ARID4B: variants seen among roughly 807,000 people sequenced by gnomAD.
ARID4B encodes the protein AT-rich interactive domain-containing protein 4B.
A neutral mutation model predicts 147.5 loss-of-function variants in ARID4B; 26 were observed. The ratio of observed to expected loss-of-function variants is 0.18; its 90% CI spans 0.13 to 0.24. The LOEUF (loss-of-function observed/expected upper bound fraction) is 0.24. Ranked by LOEUF, ARID4B falls within the 10% of genes least tolerant of loss-of-function variation. The pLI is 1.00. For synonymous variants in ARID4B, 512 were observed against 507.9 expected (o/e 1.01, Z -0.11); for missense variants, 1,179 against 1,511.5 (o/e 0.78, Z 3.65).
At chr1:235,243,204 A>T (rs1433239348) in intron 7 of ARID4B, among the ~76,000 whole-genome samples, 1 of 152,084 alleles carries the variant, frequency 6.6e-6, no homozygotes, top group Non-Finnish European at 1.5e-5. Flanking sequence ...TTATTATGGT[A>T]TTTCTGATTT....
rs200165856 is a variant in ARID4B at position 235,230,252 on chromosome 1, A to G, written c.742+861T>C. The stretch of plus-strand genomic sequence containing the variant: ...TCAATGGTGAAACTCTGTCTCTACT[A>G]AAAACACAAAAATTAGCCGGGCATA... On this transcript the variant is annotated intron_variant, in intron 10 of 23. Coordinates refer to ENST00000264183, the MANE Select transcript of ARID4B (RefSeq NM_016374.6). Among the ~76,000 whole-genome samples, 28 of 152,108 alleles carry G rather than the reference A, an allele frequency of 1.8e-4. No individual in the cohort carries two copies. In the East Asian group the frequency reaches 4.5e-3, roughly 24 times the overall value.
At chr1:235,251,307 G>A (rs774923421) in intron 6 of ARID4B, among the ~76,000 whole-genome samples, 1 of 151,892 alleles carries the variant, frequency 6.6e-6, no homozygotes, top group Admixed American at 6.6e-5. Context: ...AGACATAGAG[G>A]AGGAAGCATT....
At chr1:235,291,594 G>C (rs897076180) in intron 2 of ARID4B, among the ~76,000 whole-genome samples, 2 of 151,998 alleles carry the variant, frequency 1.3e-5, no homozygotes, top group Non-Finnish European at 2.9e-5. Flanking sequence ...CCAGCACTTT[G>C]GGAGGCCGAG....
At chr1:235,230,618 C>CAAAAAAAAAA (rs1668154034) in intron 10 of ARID4B, among the ~76,000 whole-genome samples, 5 of 45,868 alleles carry the variant, frequency 1.1e-4, no homozygotes, top group African/African-American at 2.7e-4. Context: ...AAAAAAAAAC[C>CAAAAAAAAAA]AGAAAAAAAA....
At chr1:235,301,695 G>A (rs576143202) in intron 2 of ARID4B, among the ~76,000 whole-genome samples, 1 of 151,112 alleles carries the variant, frequency 6.6e-6, no homozygotes, top group South Asian at 2.1e-4. Flanking sequence ...GACCACAGGT[G>A]CCCACCACCT....
intron 2 of ARID4B, among the ~76,000 whole-genome samples, chr1:235,280,224 AAC>A (rs1230646565): frequency 7.1e-6 from 1 of 140,654 alleles, no homozygotes; most frequent in East Asian, 2.0e-4. Flanking sequence ...AATAAAATAA[AAC>A]ATTTTAATAT....
chr1:235,302,939 T>C (rs1442667762), intron 2 of ARID4B, among the ~76,000 whole-genome samples: 2 of 152,052 alleles, frequency 1.3e-5, no homozygotes, highest in African/African-American at 4.8e-5. Flanking sequence ...TTTTTTCTTT[T>C]TTTTGAGACG....
intron 5 of ARID4B, among the ~76,000 whole-genome samples, chr1:235,253,667 C>T (rs970573075): frequency 6.6e-6 from 1 of 152,100 alleles, no homozygotes; most frequent in African/African-American, 2.4e-5. Context: ...CCCAGCAAAA[C>T]CACCATAAGT....
chr1:235,204,316 C>T (rs147116805), intron 17 of ARID4B, among the ~76,000 whole-genome samples: 61 of 152,136 alleles, frequency 4.0e-4, no homozygotes, highest in African/African-American at 1.4e-3. Flanking sequence ...AGCGAAACTC[C>T]GCTTCAAAAT....
chr1:235,320,306 A>G (rs1005334465), intron 2 of ARID4B, among the ~76,000 whole-genome samples: 1 of 152,162 alleles, frequency 6.6e-6, no homozygotes, highest in African/African-American at 2.4e-5. Flanking sequence ...CTCCGTCTCA[A>G]AAGAAAAGGA....
At chr1:235,219,491 T>C (rs551093689) in intron 16 of ARID4B, among the ~76,000 whole-genome samples, 64 of 152,270 alleles carry the variant, frequency 4.2e-4, no homozygotes, top group Non-Finnish European at 7.5e-4. Flanking sequence ...AACATGGACA[T>C]AGCCCCAAGT....
chr1:235,183,884 A>G (rs1460678855), intron 19 of ARID4B, among the ~76,000 whole-genome samples: 1 of 151,884 alleles, frequency 6.6e-6, no homozygotes, highest in Non-Finnish European at 1.5e-5. Context: ...CCTGGGCTCA[A>G]ATGATCCTCC....
intron 14 of ARID4B, among the ~76,000 whole-genome samples, chr1:235,220,983 C>T (rs575617448): frequency 7.2e-5 from 11 of 152,142 alleles, no homozygotes; most frequent in East Asian, 3.9e-4. Flanking sequence ...CTATAACCTC[C>T]GCCTCCTGGG....
chr1:235,239,050 T>C (rs1010008925), intron 8 of ARID4B, among the ~76,000 whole-genome samples: 9 of 151,826 alleles, frequency 5.9e-5, no homozygotes, highest in African/African-American at 1.9e-4. Context: ...TGGCGCGATC[T>C]TGGCTCACTG....
intron 1 of ARID4B, chr1:235,327,249 CACA>C (rs1051076633): frequency 1.0e-4 from 25 of 239,490 alleles, no homozygotes; most frequent in Admixed American, 7.2e-4. Flanking sequence ...AGAAGAAACT[CACA>C]ACAAGCCCGG....
At chr1:235,272,799 T>G (rs1671077126) in intron 2 of ARID4B, among the ~76,000 whole-genome samples, 1 of 148,684 alleles carries the variant, frequency 6.7e-6, no homozygotes, top group African/African-American at 2.5e-5. Flanking sequence ...AAGCACTCAA[T>G]ATAAATAAAT....
Position 235,252,874 on chromosome 1 carries a change from T to C in ARID4B, c.275-65A>G, listed in dbSNP as rs1455784285. ...TTTCAAAGATCAAAGAGATGACATG[T>C]ATTACAATTTTCTGAGTGCAAACAG... On this transcript the variant is annotated intron_variant, in intron 5 of 23. Coordinates refer to ENST00000264183, the MANE Select transcript of ARID4B (RefSeq NM_016374.6). 14 of 1,354,340 alleles carry C rather than the reference T, an allele frequency of 1.0e-5. No individual in the cohort carries two copies. In the East Asian group the frequency reaches 2.8e-4, roughly 27 times the overall value. 83.9% of individuals were successfully genotyped at this position (1,354,340 alleles called of 1,614,324 possible).
At position 235,182,030 on chromosome 1, in the gene ARID4B, C is replaced by A. The variant is rs775890197; in HGVS notation, c.2889G>T (p.Gly963=). Residue 963 remains glycine, a synonymous_variant, in exon 20 of 24, where the codon GGG becomes GGT. Coordinates refer to ENST00000264183, the MANE Select transcript of ARID4B (RefSeq NM_016374.6). ...ASPPHPAPEE[G]VAEESLQTVA... is the part of the protein sequence containing the mutation. ...CAGTCTGCAGTGACTCCTCTGCCAC[C>A]CCCTCCTCTGGGGCAGGATGCGGTG... The A allele has an allele frequency of 9.9e-6, 16 of 1,614,122 alleles. No homozygotes were observed. The East Asian group carries it at 2.9e-4, about 29-fold the overall frequency.
In ARID4B at chr1:235,310,802, C is replaced by T. The variant is rs575526048; in HGVS notation, c.6+16112G>A. Among the ~76,000 whole-genome samples the T allele has an allele frequency of 5.9e-5, 9 of 152,218 alleles. No individual in the cohort carries two copies. The South Asian group carries it at 1.9e-3, about 32-fold the overall frequency. ...CTCCCAGCCTCAACTTCCTGAGTAG[C>T]TGGAAATACAGTCACAGGCCACCAC... On this transcript the variant is annotated intron_variant, in intron 2 of 23. Coordinates refer to ENST00000264183, the MANE Select transcript of ARID4B (RefSeq NM_016374.6).
Sources: allele counts gnomAD v4.1 joint callset (sites outside exome capture counted in the v4.1 genomes callset), GRCh38; gene constraint gnomAD v4.1.1; transcripts MANE v1.5; gene names NCBI Gene and HGNC (gene_info 2026-07-23, HGNC 2026-07-21).